Variants in DGAT2 observed in about 807,000 individuals in gnomAD.
DGAT2 encodes the protein diacylglycerol O-acyltransferase 2.
In DGAT2, 33 loss-of-function variants were observed where a neutral mutation model predicts 48.4. The ratio of observed to expected loss-of-function variants is 0.68; its 90% confidence interval spans 0.52 to 0.91. The LOEUF (loss-of-function observed/expected upper bound fraction) is 0.91. DGAT2 is among the 40% of genes least tolerant of loss of function. The pLI is 0.00. For missense variants in DGAT2, 446 were observed against 493.7 expected, an observed-to-expected ratio of 0.90 and a Z score of 0.92; for synonymous variants, 191 against 194.1, an observed-to-expected ratio of 0.98 and a Z score of 0.13.
intron 1 of DGAT2, 69 bp from the exon 2 acceptor site, chr11:75,784,549 G>A (rs1453390982): frequency 6.3e-7 from 1 of 1,593,976 alleles, no homozygotes; most frequent in Non-Finnish European, 8.6e-7. Context: ...TGGGAGGTGA[G>A]GTTTGTACTG....
At chr11:75,782,191 G>A (rs1179948802) in intron 1 of DGAT2, among the ~76,000 whole-genome samples, 2 of 152,162 alleles carry the variant, frequency 1.3e-5, no homozygotes, top group East Asian at 1.9e-4. Context: ...CCCCGGTGCT[G>A]TGTCTCACCC....
chr11:75,773,410 G>T (rs1015647072), intron 1 of DGAT2, among the ~76,000 whole-genome samples: 9 of 152,234 alleles, frequency 5.9e-5, no homozygotes, highest in African/African-American at 2.2e-4. Context: ...TTCCAGGCCT[G>T]ACATTTTTCT....
At chr11:75,780,786 G>C (rs1460551524) in intron 1 of DGAT2, among the ~76,000 whole-genome samples, 1 of 152,246 alleles carries the variant, frequency 6.6e-6, no homozygotes, top group Non-Finnish European at 1.5e-5. Flanking sequence ...GAGTGACCTT[G>C]ACCCGGTATC....
chr11:75,778,502 C>T (rs1039932451), intron 1 of DGAT2, among the ~76,000 whole-genome samples: 1 of 152,178 alleles, frequency 6.6e-6, no homozygotes, highest in African/African-American at 2.4e-5. Flanking sequence ...ACCACTTAAT[C>T]ACCTAACAAA....
intron 4 of DGAT2, among the ~76,000 whole-genome samples, chr11:75,791,061 C>T (rs1026357229): frequency 3.9e-5 from 6 of 152,252 alleles, no homozygotes; most frequent in African/African-American, 1.2e-4. Flanking sequence ...TTGAGGATAA[C>T]TCTGGCAGGA....
Position 75,800,595 on chromosome 11 carries a change from G to T in DGAT2, c.*87G>T. On this transcript the variant is annotated 3_prime_UTR_variant, in exon 8 of 8. Coordinates refer to ENST00000228027, the MANE Select transcript of DGAT2 (RefSeq NM_032564.5). Reference sequence around the variant, plus strand: ...ATTTGGAAGTGTCATGGGTGTCTGTGGGTTATTTAAAAGAAATTATAACAA... The same window carrying T: ...ATTTGGAAGTGTCATGGGTGTCTGTTGGTTATTTAAAAGAAATTATAACAA... The T allele has an allele frequency of 6.9e-7, 1 of 1,447,280 alleles. No individual in the cohort carries two copies. The highest frequency in any genetic ancestry group is 1.4e-5 in the South Asian group (1 of 73,410). 89.7% of individuals were successfully genotyped at this position (1,447,280 alleles called of 1,614,324 possible).
rs142626573 is a variant in DGAT2 at position 75,783,178 on chromosome 11, G to A, written c.122-1440G>A. ...ACTGAACACCCAATTTGTGCACTGA[G>A]GATGTGGCAGTGAACCCTGCAAGCT... On this transcript the variant is annotated intron_variant, in intron 1 of 7. Transcript: ENST00000228027. 3.3e-4 allele frequency among the ~76,000 whole-genome samples: 50 copies of A among 152,342 alleles called. 1 individual carries two copies. The East Asian group carries it at 7.5e-3, about 23-fold the overall frequency.
chr11:75,778,499 A>T (rs2135761678), intron 1 of DGAT2, among the ~76,000 whole-genome samples: 1 of 152,206 alleles, frequency 6.6e-6, no homozygotes, highest in South Asian at 2.1e-4. Context: ...GCCACCACTT[A>T]ATCACCTAAC....
At chr11:75,769,200 ACGTTCATT>A in intron 1 of DGAT2, 88 bp downstream of exon 1, 1 of 1,419,976 alleles carries the variant, frequency 7.0e-7, no homozygotes, top group Non-Finnish European at 9.2e-7. Flanking sequence ...TGATGAGTCC[ACGTTCATT>A]CTCCACTGTG....
rs77716750 is a variant in DGAT2, at chr11:75,777,888, G to A, written c.122-6730G>A. Among the ~76,000 whole-genome samples, 625 of 152,216 alleles carry A rather than the reference G, an allele frequency of 4.1e-3. 4 individuals carry two copies. The highest frequency in any genetic ancestry group is 0.015 in the African/African-American group (605 of 41,522). ...ATTATTTTTCTTCATAGCTCTCGTC[G>A]CTGCCTGATGTTACATCATACATTA... On this transcript the variant is annotated intron_variant, in intron 1 of 7. Coordinates refer to ENST00000228027, the MANE Select transcript of DGAT2 (RefSeq NM_032564.5).
At chr11:75,789,319 T>A (rs1161631885) in intron 2 of DGAT2, among the ~76,000 whole-genome samples, 1 of 152,144 alleles carries the variant, frequency 6.6e-6, no homozygotes, top group African/African-American at 2.4e-5. Context: ...CAGCTAATTT[T>A]TTAAATTTTT....
chr11:75,790,143 A>T, intron 2 of DGAT2, 45 bp from the exon 3 acceptor site: 1 of 1,385,754 alleles, frequency 7.2e-7, no homozygotes, highest in Non-Finnish European at 1.0e-6. Context: ...CCCAGAGGGG[A>T]GATGAAGCCC....
At chr11:75,782,492 C>G (rs1344845324) in intron 1 of DGAT2, among the ~76,000 whole-genome samples, 1 of 152,210 alleles carries the variant, frequency 6.6e-6, no homozygotes, top group Non-Finnish European at 1.5e-5. Context: ...GTGGCCATGG[C>G]TCCTGCTTCA....
intron 7 of DGAT2, among the ~76,000 whole-genome samples, 178 bp downstream of exon 7, chr11:75,798,607 G>C (rs909036229): frequency 2.6e-5 from 4 of 152,170 alleles, no homozygotes. Context: ...AGTAGGAGTC[G>C]GGGAATTGAG....
chr11:75,774,324 A>G (rs1393679368), intron 1 of DGAT2, among the ~76,000 whole-genome samples: 1 of 152,216 alleles, frequency 6.6e-6, no homozygotes, highest in Non-Finnish European at 1.5e-5. Context: ...CCTTACCCTC[A>G]GTCTCCTCAT....
At chr11:75,771,351 C>T (rs920359643) in intron 1 of DGAT2, among the ~76,000 whole-genome samples, 24 of 152,152 alleles carry the variant, frequency 1.6e-4, no homozygotes, top group Admixed American at 1.2e-3. Flanking sequence ...GGGGGCTCTT[C>T]GTTCAGAAGA....
At chr11:75,777,575 G>A (rs1020905798) in intron 1 of DGAT2, among the ~76,000 whole-genome samples, 1 of 152,172 alleles carries the variant, frequency 6.6e-6, no homozygotes, top group African/African-American at 2.4e-5. Context: ...CTGTATAGAT[G>A]AGGAAGCTGA....
chr11:75,769,565 C>T (rs545395612), intron 1 of DGAT2, among the ~76,000 whole-genome samples: 1 of 152,250 alleles, frequency 6.6e-6, no homozygotes, highest in East Asian at 1.9e-4. Context: ...CTCTGGAGCC[C>T]ACATAGCAGC....
chr11:75,781,628 C>T (rs1439018264), intron 1 of DGAT2, among the ~76,000 whole-genome samples: 3 of 152,226 alleles, frequency 2.0e-5, no homozygotes, highest in Non-Finnish European at 4.4e-5. Context: ...GTTGCCCAGG[C>T]AGATGGGAAG....
Sources: gnomAD v4.1 joint callset for allele counts (sites outside exome capture counted in the v4.1 genomes callset) on GRCh38, gnomAD v4.1.1 for gene constraint, MANE v1.5 for transcripts, NCBI Gene and HGNC (gene_info 2026-07-23, HGNC 2026-07-21) for gene names.